The following PCDHGA7 variants were observed in gnomAD, a reference collection of about 807,000 sequenced individuals.
PCDHGA7 encodes protocadherin gamma subfamily A, 7, also known as protocadherin gamma-A7.
A neutral mutation model predicts 58.3 loss-of-function variants in PCDHGA7; 44 were observed. The ratio of observed to expected loss-of-function variants is 0.75; its 90% confidence interval spans 0.59 to 0.97. The LOEUF is 0.97. Ranked by LOEUF, PCDHGA7 falls within the 50% of genes least tolerant of loss-of-function variation. The probability of loss-of-function intolerance (pLI) is 0.00; values close to 1 mark genes in which losing one functional copy is unlikely to be tolerated. For missense variants in PCDHGA7, 1,266 were observed against 1,188.7 expected (o/e 1.06, Z -0.96); for synonymous variants, 516 against 504.2 (o/e 1.02, Z -0.31).
Position 141,505,427 on chromosome 5 carries a change from A to G in PCDHGA7, c.2518A>G (p.Asn840Asp), listed in dbSNP as rs1453435374. Reference protein sequence around the residue: ...QNGDDTGTWPNNQFDTEMLQA... With the variant: ...QNGDDTGTWPDNQFDTEMLQA... The stretch of plus-strand genomic sequence containing the variant: ...TGGCGATGACACCGGCACCTGGCCC[A>G]ACAACCAGTTTGACACAGAGATGCT... The change falls in exon 3 of 4, where the codon AAC (asparagine) becomes GAC (aspartate). Residue 840 changes from asparagine to aspartate, a missense_variant. Physicochemically the swap from Asn to Asp is conservative, Grantham distance 23 (BLOSUM62 1). Coordinates refer to ENST00000518325, the MANE Select transcript of PCDHGA7 (RefSeq NM_018920.4). 1 of 1,614,230 alleles carries G rather than the reference A, an allele frequency of 6.2e-7. No individual in the cohort carries two copies. Among genetic ancestry groups the G allele is most frequent in the East Asian group, 2.2e-5 (1 of 44,878 alleles).
chr5:141,388,373 T>TA (rs1239214460), intron 1 of PCDHGA7: 2 of 1,613,980 alleles, frequency 1.2e-6, no homozygotes, highest in African/African-American at 2.7e-5. Context: ...CGGATATTGG[T>TA]AGCAACACAC....
intron 2 of PCDHGA7, among the ~76,000 whole-genome samples, chr5:141,495,662 C>G (rs545912968): frequency 6.6e-6 from 1 of 152,138 alleles, no homozygotes; most frequent in Admixed American, 6.6e-5. Flanking sequence ...TGATCTGTGC[C>G]GCCCACTGTG....
Position 141,477,876 on chromosome 5 carries a change from G to A in PCDHGA7, c.2425-16931G>A, listed in dbSNP as rs1412801533. The A allele has an allele frequency of 4.3e-6, 7 of 1,614,144 alleles. No individual in the cohort carries two copies. Among genetic ancestry groups the A allele is most frequent in the Non-Finnish European group, 5.9e-6 (7 of 1,180,030 alleles). ...ATGCTGCCTCGAGGTACCTCAGCTG[G>A]CCACCTAGTGTCACGGGTGGTAGGC... On this transcript the variant is annotated intron_variant, in intron 1 of 3. Coordinates refer to ENST00000518325, the MANE Select transcript of PCDHGA7 (RefSeq NM_018920.4). The surrounding 1 kb of genome is among the most constrained non-coding windows in gnomAD (Gnocchi z 4.9).
In PCDHGA7 at chr5:141,487,801, A is replaced by G. The variant is rs895741843; in HGVS notation, c.2425-7006A>G. The G allele has an allele frequency of 1.0e-5, 15 of 1,479,820 alleles. No individual in the cohort carries two copies. The highest frequency in any genetic ancestry group is 2.7e-6 in the Non-Finnish European group (3 of 1,095,672). The allele number at this position is 1,479,820 out of a possible 1,614,324, so 91.7% of individuals were successfully genotyped here. On this transcript the variant is annotated intron_variant, in intron 1 of 3. Coordinates refer to ENST00000518325, the MANE Select transcript of PCDHGA7 (RefSeq NM_018920.4). The surrounding 1 kb of genome is among the most constrained non-coding windows in gnomAD (Gnocchi z 5.0). ...GTTTCGTGAATTAACCAGAGTTGTC[A>G]CAGTTTAGCATTGGGGGCGGGTCAT... is the stretch of plus-strand genomic sequence containing the variant.
chr5:141,468,039 A>G (rs1007212946), intron 1 of PCDHGA7, among the ~76,000 whole-genome samples: 21 of 152,262 alleles, frequency 1.4e-4, no homozygotes, highest in African/African-American at 5.1e-4. Context: ...CATTTAGAAA[A>G]CTAAGCCGGG....
chr5:141,478,249 A>T, intron 1 of PCDHGA7: 1 of 1,614,110 alleles, frequency 6.2e-7, no homozygotes, highest in African/African-American at 1.3e-5. Context: ...CAGTGTTCGG[A>T]GTAATCATAT....
intron 1 of PCDHGA7, chr5:141,394,897 T>C (rs773335725): frequency 3.1e-6 from 5 of 1,613,682 alleles, no homozygotes; most frequent in Non-Finnish European, 4.2e-6. Flanking sequence ...TATCTCGTGG[T>C]GGCAGTGGCT....
At chr5:141,480,178 C>T (rs143309515) in intron 1 of PCDHGA7, among the ~76,000 whole-genome samples, 346 of 150,752 alleles carry the variant, frequency 2.3e-3, no homozygotes, top group Non-Finnish European at 2.8e-3. Flanking sequence ...CTGAGGCAGG[C>T]GGATTGCTTG....
intron 1 of PCDHGA7, among the ~76,000 whole-genome samples, chr5:141,467,707 G>A (rs1203906639): frequency 6.6e-6 from 1 of 152,140 alleles, no homozygotes; most frequent in Non-Finnish European, 1.5e-5. Flanking sequence ...TGTTGCCCAG[G>A]CTGGAGTGTA....
chr5:141,476,438 C>G lies in PCDHGA7; in HGVS notation c.2425-18369C>G. On this transcript the variant is annotated intron_variant, in intron 1 of 3. Coordinates refer to ENST00000518325, the MANE Select transcript of PCDHGA7 (RefSeq NM_018920.4). This position sits in a 1 kb window ranked among gnomAD's most constrained non-coding sequence, Gnocchi z 7.6. The stretch of plus-strand genomic sequence containing the variant: ...GACACTGCCCTCTTGCACTGTAACT[C>G]TGGAGTTGGTAGTGGAGAACCCGCT... 1 of 1,614,090 alleles carries G rather than the reference C, an allele frequency of 6.2e-7. No homozygotes were observed. Among genetic ancestry groups the G allele is most frequent in the Non-Finnish European group, 8.5e-7 (1 of 1,180,026 alleles).
intron 1 of PCDHGA7, chr5:141,421,459 G>T: frequency 6.2e-7 from 1 of 1,614,142 alleles, no homozygotes; most frequent in South Asian, 1.1e-5. Context: ...GCTTTTCGCT[G>T]TGAATCCGCG....
intron 1 of PCDHGA7, among the ~76,000 whole-genome samples, chr5:141,407,567 A>T (rs554405122): frequency 7.0e-4 from 107 of 152,170 alleles, no homozygotes; most frequent in African/African-American, 2.5e-3. Context: ...AAGCTGAAAG[A>T]TAAAATTCTT....
At chr5:141,482,544 A>AAAC (rs1041838777) in intron 1 of PCDHGA7, among the ~76,000 whole-genome samples, 4 of 151,844 alleles carry the variant, frequency 2.6e-5, no homozygotes, top group Non-Finnish European at 4.4e-5. Context: ...AAAAAAAAAA[A>AAAC]AAAAAGATAA....
chr5:141,509,882 G>A (rs1374735632), intron 3 of PCDHGA7, among the ~76,000 whole-genome samples: 1 of 152,182 alleles, frequency 6.6e-6, no homozygotes. Context: ...GGTGGTGATG[G>A]TGACTGACTG....
Position 141,432,211 on chromosome 5 carries a change from C to A in PCDHGA7, c.2424+46888C>A, listed in dbSNP as rs1390215329. On this transcript the variant is annotated intron_variant, in intron 1 of 3. Coordinates refer to ENST00000518325, the MANE Select transcript of PCDHGA7 (RefSeq NM_018920.4). The surrounding 1 kb of genome is among the most constrained non-coding windows in gnomAD (Gnocchi z 6.0). The stretch of plus-strand genomic sequence containing the variant: ...CCCACGACCCCGACTGTGAAGAGAA[C>A]GCCCAGATCACTTATTCCCTGGCTG... 1 of 1,614,232 alleles carries A rather than the reference C, an allele frequency of 6.2e-7. No individual in the cohort carries two copies. Among genetic ancestry groups the A allele is most frequent in the Admixed American group, 1.7e-5 (1 of 60,032 alleles).
rs2099389707 is a variant in PCDHGA7, at chr5:141,476,358, G to A, written c.2425-18449G>A. On this transcript the variant is annotated intron_variant, in intron 1 of 3. Transcript: ENST00000518325. This position sits in a 1 kb window ranked among gnomAD's most constrained non-coding sequence, Gnocchi z 7.6. ...AGCCGAAGATTCTTTGAGGTGAACC[G>A]GGAGACCGGAGAGATGTTTGTGAAC... 6.2e-7 allele frequency: 1 copy of A among 1,614,134 alleles called. No individual in the cohort carries two copies. The highest frequency in any genetic ancestry group is 8.5e-7 in the Non-Finnish European group (1 of 1,180,022).
At chr5:141,415,285 G>T in intron 1 of PCDHGA7, 1 of 1,614,216 alleles carries the variant, frequency 6.2e-7, no homozygotes. Flanking sequence ...GGTGGCCGCG[G>T]TCTCCTGCGT....
chr5:141,385,571 T>C (rs2090288104), intron 1 of PCDHGA7: 5 of 1,299,428 alleles, frequency 3.8e-6, no homozygotes, highest in Non-Finnish European at 4.9e-6. Context: ...TCCACCTACT[T>C]TCCAATCTAT....
intron 2 of PCDHGA7, among the ~76,000 whole-genome samples, chr5:141,500,112 C>G (rs2099796438): frequency 6.8e-6 from 1 of 147,138 alleles, no homozygotes; most frequent in Non-Finnish European, 1.5e-5. Context: ...TGTTGAATCC[C>G]TGCCTTTTCA....
Sources: allele counts gnomAD v4.1 joint callset (sites outside exome capture counted in the v4.1 genomes callset), GRCh38; gene constraint gnomAD v4.1.1; non-coding constraint Gnocchi (gnomAD v3.1); transcripts MANE v1.5; gene names NCBI Gene and HGNC (gene_info 2026-07-23, HGNC 2026-07-21).